MYO5A: variants seen among roughly 807,000 people sequenced by gnomAD.
MYO5A encodes the protein myosin VA.
In MYO5A, 98 loss-of-function variants were observed where a neutral mutation model predicts 249.7. That is an observed-to-expected ratio of 0.39 (90% CI 0.33 to 0.46). MYO5A has a LOEUF of 0.46. MYO5A is among the 20% of genes least tolerant of loss of function. The pLI, the probability that MYO5A is intolerant of heterozygous loss-of-function variation, is 0.98. For missense variants in MYO5A, 1,696 were observed against 2,308.8 expected (o/e 0.73, Z 5.44); for synonymous variants, 778 against 810.6 (o/e 0.96, Z 0.68).
intron 1 of MYO5A, among the ~76,000 whole-genome samples, chr15:52,440,456 C>T (rs1011512821): frequency 4.6e-5 from 7 of 152,106 alleles, no homozygotes; most frequent in Admixed American, 2.0e-4. Flanking sequence ...TTAGTAGAGA[C>T]GGGGCTTCGC....
rs761152002 is a variant in MYO5A at position 52,313,666 on chromosome 15, G to C, written c.*30C>G. On this transcript the variant is annotated 3_prime_UTR_variant, in exon 42 of 42. Transcript: ENST00000399233. The stretch of plus-strand genomic sequence containing the variant: ...TGGGTTCTTATTTCGGGCAAGAAAT[G>C]TATTGTCAATTTTTGCCTGGACATC... 4.1e-5 allele frequency: 66 copies of C among 1,613,150 alleles called. No homozygotes were observed. In the Admixed American group the frequency reaches 1.1e-3, roughly 26 times the overall value.
At chr15:52,427,236 A>T (rs2075415495) in intron 3 of MYO5A, among the ~76,000 whole-genome samples, 1 of 152,220 alleles carries the variant, frequency 6.6e-6, no homozygotes, top group Admixed American at 6.5e-5. Context: ...TTCAGCTCCA[A>T]CTATGTGTAA....
intron 36 of MYO5A, 142 bp from the exon 37 acceptor site, chr15:52,323,586 G>A (rs967807435): frequency 9.4e-5 from 61 of 647,994 alleles, no homozygotes; most frequent in Admixed American, 1.7e-4. Flanking sequence ...CAGTTGTGAA[G>A]TCTTATGTCA....
intron 1 of MYO5A, among the ~76,000 whole-genome samples, chr15:52,520,234 T>C (rs909415321): frequency 6.6e-6 from 1 of 152,186 alleles, no homozygotes; most frequent in Non-Finnish European, 1.5e-5. Context: ...TTCCTTCCAA[T>C]GGCGAACAGC....
At chr15:52,496,264 G>C (rs565421576) in intron 1 of MYO5A, among the ~76,000 whole-genome samples, 1 of 152,220 alleles carries the variant, frequency 6.6e-6, no homozygotes, top group Admixed American at 6.5e-5. Context: ...CATCCCTCTT[G>C]GTTTCTCATC....
intron 1 of MYO5A, among the ~76,000 whole-genome samples, chr15:52,446,011 G>C (rs56315558): frequency 6.6e-6 from 1 of 152,176 alleles, no homozygotes; most frequent in Non-Finnish European, 1.5e-5. Flanking sequence ...GATAGCTTTT[G>C]CAAGAGAGAA....
intron 8 of MYO5A, 52 bp downstream of exon 8, chr15:52,407,236 GTTGC>G (rs2043045707): frequency 2.4e-6 from 3 of 1,232,018 alleles, no homozygotes; most frequent in Non-Finnish European, 3.6e-6. Flanking sequence ...CTAAACAAAG[GTTGC>G]TTGAGTAAAA....
chr15:52,497,823 C>T (rs550560172), intron 1 of MYO5A, among the ~76,000 whole-genome samples: 3 of 150,438 alleles, frequency 2.0e-5, no homozygotes, highest in East Asian at 3.9e-4. Context: ...TTAAAAACTG[C>T]CAAATTTTTG....
At chr15:52,349,045 T>C (rs541495458) in intron 28 of MYO5A, among the ~76,000 whole-genome samples, 10 of 152,346 alleles carry the variant, frequency 6.6e-5, no homozygotes, top group African/African-American at 2.4e-4. Flanking sequence ...ACAACTTCTA[T>C]TTCCAGGAAC....
At chr15:52,498,589 C>A (rs1231681031) in intron 1 of MYO5A, among the ~76,000 whole-genome samples, 2 of 152,142 alleles carry the variant, frequency 1.3e-5, no homozygotes, top group African/African-American at 4.8e-5. Context: ...TGTTTACAGG[C>A]TAAGTTTCTT....
chr15:52,408,186 T>C, intron 6 of MYO5A, 46 bp from the exon 7 acceptor site: 5 of 1,082,190 alleles, frequency 4.6e-6, no homozygotes, highest in Non-Finnish European at 7.1e-6. Flanking sequence ...TAATCTAAAA[T>C]TCAGGGAATT....
chr15:52,395,782 A>G (rs2042463071), intron 11 of MYO5A, among the ~76,000 whole-genome samples: 1 of 152,144 alleles, frequency 6.6e-6, no homozygotes, highest in Admixed American at 6.5e-5. Context: ...CTGATTTTTA[A>G]GCATCTCTGA....
chr15:52,479,722 G>C (rs1415808674), intron 1 of MYO5A, among the ~76,000 whole-genome samples: 1 of 152,124 alleles, frequency 6.6e-6, no homozygotes, highest in East Asian at 1.9e-4. Context: ...TAATACAGTA[G>C]CTTGGAATTC....
rs924820840 is a variant in MYO5A, at chr15:52,313,057, T to C, written c.*639A>G. The C allele has an allele frequency of 6.5e-6, 1 of 153,162 alleles. No individual in the cohort carries two copies. The highest frequency in any genetic ancestry group is 1.5e-5 in the Non-Finnish European group (1 of 68,452). The allele number at this position is 153,162 out of a possible 1,614,324, so 9.5% of individuals were successfully genotyped here. On this transcript the variant is annotated 3_prime_UTR_variant, in exon 42 of 42. Coordinates refer to ENST00000399233, the MANE Select transcript of MYO5A (RefSeq NM_001382347.1). The stretch of plus-strand genomic sequence containing the variant: ...ACTTACATTTTAAGAAGACAGTATG[T>C]AGCAGCAATTTAAAATGCTCAGTAA...
At chr15:52,389,983 A>G (rs1429407773) in intron 12 of MYO5A, among the ~76,000 whole-genome samples, 1 of 152,092 alleles carries the variant, frequency 6.6e-6, no homozygotes, top group Non-Finnish European at 1.5e-5. Context: ...AAGCCTCCCA[A>G]GTTAAAGTTG....
chr15:52,495,457 G>C (rs1210632525), intron 1 of MYO5A, among the ~76,000 whole-genome samples: 2 of 151,976 alleles, frequency 1.3e-5, no homozygotes, highest in Non-Finnish European at 2.9e-5. Flanking sequence ...GACAGGAAGA[G>C]TAAGTTCCAG....
chr15:52,387,592 G>C (rs1225413556), intron 14 of MYO5A, among the ~76,000 whole-genome samples: 1 of 152,156 alleles, frequency 6.6e-6, no homozygotes, highest in Non-Finnish European at 1.5e-5. Context: ...TAGCCATGAA[G>C]TCTCTGTGTC....
intron 24 of MYO5A, among the ~76,000 whole-genome samples, chr15:52,364,171 G>A (rs1197732615): frequency 6.6e-6 from 1 of 151,854 alleles, no homozygotes; most frequent in East Asian, 1.9e-4. Flanking sequence ...CTGGGAGGCG[G>A]AGGTTGCAGT....
chr15:52,410,201 A>C, intron 6 of MYO5A, 132 bp downstream of exon 6: 1 of 1,105,400 alleles, frequency 9.0e-7, no homozygotes, highest in Non-Finnish European at 1.4e-6. Context: ...GCTTCAGTCC[A>C]AGTGTGGTTG....
Sources: gnomAD v4.1 joint callset for allele counts (sites outside exome capture counted in the v4.1 genomes callset) on GRCh38, gnomAD v4.1.1 for gene constraint, MANE v1.5 for transcripts, NCBI Gene and HGNC (gene_info 2026-07-23, HGNC 2026-07-21) for gene names.